ZBTB20: variants seen among roughly 807,000 people sequenced by gnomAD.
The protein encoded by ZBTB20 is zinc finger and BTB domain-containing protein 20.
In ZBTB20, 9 loss-of-function variants were observed where a neutral mutation model predicts 56.9. The observed-to-expected ratio is 0.16, with a 90% CI of 0.10 to 0.28. The LOEUF is 0.28. Ranked by LOEUF, ZBTB20 falls within the 10% of genes least tolerant of loss-of-function variation. The pLI is 1.00. For synonymous variants in ZBTB20, 417 were observed against 420.7 expected (o/e 0.99, Z 0.11); for missense variants, 655 against 1,003.0 (o/e 0.65, Z 4.69).
At chr3:114,895,217 A>G (rs1186000057) in intron 4 of ZBTB20, among the ~76,000 whole-genome samples, 1 of 152,176 alleles carries the variant, frequency 6.6e-6, no homozygotes, top group Non-Finnish European at 1.5e-5. Flanking sequence ...GAAAAAATAA[A>G]ACCTTACACA....
At chr3:114,679,246 C>T (rs539124705) in intron 6 of ZBTB20, among the ~76,000 whole-genome samples, 32 of 152,264 alleles carry the variant, frequency 2.1e-4, no homozygotes, top group South Asian at 1.9e-3. Context: ...GACTAAAACA[C>T]CAAAGGCAAT....
At chr3:114,613,220 CA>C (rs539878693) in intron 6 of ZBTB20, among the ~76,000 whole-genome samples, 1 of 151,920 alleles carries the variant, frequency 6.6e-6, no homozygotes, top group Non-Finnish European at 1.5e-5. Flanking sequence ...GGCAAGAAGA[CA>C]AAAATAATTA....
chr3:114,561,131 A>G (rs1173961747), intron 6 of ZBTB20, among the ~76,000 whole-genome samples: 1 of 152,226 alleles, frequency 6.6e-6, no homozygotes, highest in East Asian at 1.9e-4. Flanking sequence ...ATTCAGTTAC[A>G]TCTTCAGGCT....
intron 2 of ZBTB20, among the ~76,000 whole-genome samples, chr3:115,043,924 T>C (rs1259967069): frequency 6.6e-6 from 1 of 152,150 alleles, no homozygotes; most frequent in Non-Finnish European, 1.5e-5. Flanking sequence ...CACCATCTCC[T>C]TGGTAATAAG....
intron 6 of ZBTB20, among the ~76,000 whole-genome samples, chr3:114,671,112 T>C (rs2061338077): frequency 6.6e-6 from 1 of 152,160 alleles, no homozygotes; most frequent in African/African-American, 2.4e-5. Flanking sequence ...TGTTTGTAAG[T>C]AGGCGTGCAT....
intron 5 of ZBTB20, among the ~76,000 whole-genome samples, chr3:114,696,224 T>C (rs891373958): frequency 6.6e-6 from 1 of 152,084 alleles, no homozygotes; most frequent in Non-Finnish European, 1.5e-5. Context: ...AGTTAACACA[T>C]AAGACAGTGT....
chr3:115,070,638 C>T (rs1003722510), intron 2 of ZBTB20, among the ~76,000 whole-genome samples: 1 of 151,884 alleles, frequency 6.6e-6, no homozygotes, highest in Admixed American at 6.6e-5. Context: ...CACAATGATA[C>T]CAAAATTCTA....
intron 6 of ZBTB20, among the ~76,000 whole-genome samples, chr3:114,594,651 T>C (rs571929379): frequency 6.6e-6 from 1 of 152,284 alleles, no homozygotes; most frequent in East Asian, 1.9e-4. Context: ...GAACAGATAA[T>C]GTATAGTCAT....
intron 2 of ZBTB20, among the ~76,000 whole-genome samples, chr3:115,047,595 A>T (rs1472886985): frequency 6.6e-6 from 1 of 152,164 alleles, no homozygotes; most frequent in Non-Finnish European, 1.5e-5. Flanking sequence ...TATTTTTGTG[A>T]ATTGGAAATA....
intron 2 of ZBTB20, among the ~76,000 whole-genome samples, chr3:114,989,818 A>G (rs886642383): frequency 3.9e-5 from 6 of 152,112 alleles, no homozygotes; most frequent in Non-Finnish European, 5.9e-5. Flanking sequence ...GGTCCTTCAC[A>G]TCCCTTGTAA....
rs1350441237 is a variant in ZBTB20, at chr3:114,351,486, C to T, written c.592G>A (p.Gly198Ser). The change falls in exon 11 of 12, where the codon GGC becomes AGC. Residue 198 changes from glycine to serine, a missense_variant. Physicochemically the swap from Gly to Ser is moderately conservative, Grantham distance 56 (BLOSUM62 0). Around this residue, in one of 10 missense-constraint regions of ZBTB20, gnomAD observed 167 missense variants for 281.9 expected, o/e 0.59. Coordinates refer to ENST00000675478, the MANE Select transcript of ZBTB20 (RefSeq NM_001348800.3). ...ECTRIVSQNV[G>S]DVFPGIQDSG... The stretch of plus-strand genomic sequence containing the variant: ...TCCTGGATCCCCGGGAACACATCGC[C>T]CACGTTCTGTGACACGATGCGCGTG... The T allele has an allele frequency of 6.2e-7, 1 of 1,613,914 alleles. No individual in the cohort carries two copies. Among genetic ancestry groups the T allele is most frequent in the Non-Finnish European group, 8.5e-7 (1 of 1,180,010 alleles).
intron 2 of ZBTB20, among the ~76,000 whole-genome samples, chr3:115,024,283 A>G (rs2108315522): frequency 6.6e-6 from 1 of 151,140 alleles, no homozygotes; most frequent in Non-Finnish European, 1.5e-5. Context: ...GGTAAGTGCT[A>G]TTGATAGATG....
At chr3:114,398,395 C>T (rs542215767) in intron 7 of ZBTB20, among the ~76,000 whole-genome samples, 1 of 152,134 alleles carries the variant, frequency 6.6e-6, no homozygotes, top group East Asian at 1.9e-4. Context: ...GTTTAAAACC[C>T]AATTTCTGTA....
chr3:114,879,626 A>T (rs916487674), intron 4 of ZBTB20, among the ~76,000 whole-genome samples: 1 of 152,178 alleles, frequency 6.6e-6, no homozygotes, highest in Non-Finnish European at 1.5e-5. Flanking sequence ...GATTGTCAGT[A>T]AGTTTTACAA....
chr3:115,008,711 C>T (rs2079573540), intron 2 of ZBTB20, among the ~76,000 whole-genome samples: 1 of 151,902 alleles, frequency 6.6e-6, no homozygotes, highest in South Asian at 2.1e-4. Context: ...AAGTAACTTA[C>T]TCCTCCCTGT....
At chr3:114,453,966 T>C (rs1187537336) in intron 7 of ZBTB20, among the ~76,000 whole-genome samples, 1 of 117,606 alleles carries the variant, frequency 8.5e-6, no homozygotes, top group Non-Finnish European at 1.6e-5. Context: ...CTTTGTTCTC[T>C]AGTGAAAATG....
intron 11 of ZBTB20, among the ~76,000 whole-genome samples, chr3:114,347,942 C>T (rs533282109): frequency 6.6e-6 from 1 of 152,332 alleles, no homozygotes; most frequent in African/African-American, 2.4e-5. Flanking sequence ...TAAAATGACT[C>T]TACCTATAGC....
chr3:114,672,322 T>C (rs1206502982), intron 6 of ZBTB20, among the ~76,000 whole-genome samples: 3 of 152,148 alleles, frequency 2.0e-5, no homozygotes, highest in Non-Finnish European at 4.4e-5. Flanking sequence ...TTTCTTGGTT[T>C]CCTGGCAAAA....
chr3:114,734,926 T>C (rs373188185), intron 5 of ZBTB20, among the ~76,000 whole-genome samples: 2 of 152,080 alleles, frequency 1.3e-5, no homozygotes, highest in South Asian at 2.1e-4. Context: ...ACGCACATCT[T>C]TGGGATGTGG....
Sources: gnomAD v4.1 joint callset for allele counts (sites outside exome capture counted in the v4.1 genomes callset) on GRCh38, gnomAD v4.1.1 for gene constraint, gnomAD v4.1.1 regional missense constraint, MANE v1.5 for transcripts, NCBI Gene and HGNC (gene_info 2026-07-23, HGNC 2026-07-21) for gene names.